TRHDE: variants seen among roughly 807,000 people sequenced by gnomAD.
The protein encoded by TRHDE is thyrotropin-releasing hormone-degrading ectoenzyme.
Under a neutral mutation model 125.7 loss-of-function variants are expected in TRHDE, and 72 were observed. The ratio of observed to expected loss-of-function variants is 0.57; its 90% confidence interval spans 0.47 to 0.70. The LOEUF is 0.70. Among genes scored for constraint, TRHDE ranks in the 30% least tolerant of loss-of-function variants. The pLI is 0.00. For missense variants in TRHDE, 1,110 were observed against 1,327.1 expected, an observed-to-expected ratio of 0.84 and a Z score of 2.54; for synonymous variants, 509 against 509.1, an observed-to-expected ratio of 1.00 and a Z score of 0.00.
chr12:72,137,172 A>G (rs138730243), intron 2 of TRHDE, among the ~76,000 whole-genome samples: 1 of 152,322 alleles, frequency 6.6e-6, no homozygotes, highest in African/African-American at 2.4e-5. Context: ...TTGGACCCCA[A>G]GCTTGTGAAA....
chr12:72,638,022 G>A (rs1000347980), intron 15 of TRHDE, among the ~76,000 whole-genome samples: 41 of 150,602 alleles, frequency 2.7e-4, no homozygotes, highest in Non-Finnish European at 4.4e-4. Context: ...TATTAGGTCC[G>A]CTTGGTGCAG....
In TRHDE at chr12:72,221,049, T is replaced by A. The variant is rs1009915916; in HGVS notation, n.279+115297T>A. 9.9e-5 allele frequency among the ~76,000 whole-genome samples: 15 copies of A among 152,120 alleles called. No individual in the cohort carries two copies. In the South Asian group the frequency reaches 3.1e-3, roughly 32 times the overall value. ...TAGAAAGGAGGCAGCAATATTATAA[T>A]TATTTGCAGAAGATATAATCATCTA... On this transcript the variant is annotated intron_variant and non_coding_transcript_variant, in intron 2 of 4. Coordinates refer to the TRHDE transcript ENST00000548156.
At chr12:72,319,469 T>C (rs546908384) in intron 2 of TRHDE, among the ~76,000 whole-genome samples, 4 of 152,340 alleles carry the variant, frequency 2.6e-5, no homozygotes, top group Non-Finnish European at 5.9e-5. Context: ...AACTCTTTTC[T>C]GCTCAATACT....
intron 2 of TRHDE, among the ~76,000 whole-genome samples, chr12:72,177,479 CA>C (rs1342744386): frequency 6.6e-6 from 1 of 151,964 alleles, no homozygotes; most frequent in Admixed American, 6.6e-5. Context: ...ACAACCCAAA[CA>C]ATCCAAACTA....
intron 2 of TRHDE, among the ~76,000 whole-genome samples, chr12:72,131,119 T>C (rs1042344335): frequency 6.8e-6 from 1 of 147,180 alleles, no homozygotes; most frequent in Non-Finnish European, 1.5e-5. Flanking sequence ...TCACCCAGGC[T>C]GGAGTGCAGT....
At chr12:72,407,820 C>T (rs1443737673) in intron 3 of TRHDE, among the ~76,000 whole-genome samples, 1 of 152,106 alleles carries the variant, frequency 6.6e-6, no homozygotes, top group African/African-American at 2.4e-5. Context: ...CTGGGAACCC[C>T]AAGGAATGAG....
intron 2 of TRHDE, among the ~76,000 whole-genome samples, chr12:72,143,314 T>C (rs1449308719): frequency 6.6e-6 from 1 of 152,086 alleles, no homozygotes; most frequent in African/African-American, 2.4e-5. Context: ...TAGGAAAGAC[T>C]TTTGGAGAAA....
chr12:72,340,953 A>G (rs1238980067), intron 2 of TRHDE, among the ~76,000 whole-genome samples: 4 of 152,078 alleles, frequency 2.6e-5, no homozygotes, highest in African/African-American at 4.8e-5. Context: ...TAGATACGGG[A>G]GTGGGCAGTG....
intron 12 of TRHDE, among the ~76,000 whole-genome samples, chr12:72,614,330 A>ATTTT (rs1555202261): frequency 2.2e-4 from 29 of 129,830 alleles, no homozygotes; most frequent in East Asian, 2.0e-3. Flanking sequence ...ATATATATAT[A>ATTTT]TTTTTTTTTT....
chr12:72,093,781 T>G (rs1381570732), intron 1 of TRHDE, among the ~76,000 whole-genome samples: 3 of 151,928 alleles, frequency 2.0e-5, no homozygotes, highest in Admixed American at 2.0e-4. Flanking sequence ...GTTGAGCTTC[T>G]TTAAGATGCT....
chr12:72,484,925 A>G (rs914924469), intron 5 of TRHDE, among the ~76,000 whole-genome samples: 8 of 152,192 alleles, frequency 5.3e-5, no homozygotes, highest in African/African-American at 1.9e-4. Context: ...GAAATCTAGT[A>G]GAGCACAGAA....
At chr12:72,421,638 C>G (rs932079349) in intron 3 of TRHDE, among the ~76,000 whole-genome samples, 1 of 152,104 alleles carries the variant, frequency 6.6e-6, no homozygotes, top group Non-Finnish European at 1.5e-5. Flanking sequence ...AAAATCATGT[C>G]GTAAAAGACC....
intron 6 of TRHDE, among the ~76,000 whole-genome samples, chr12:72,539,121 C>G (rs1869015825): frequency 6.6e-6 from 1 of 151,926 alleles, no homozygotes; most frequent in Non-Finnish European, 1.5e-5. Flanking sequence ...AGGTTCAACA[C>G]AAATAACACT....
rs80230826 is a variant in TRHDE at position 72,177,708 on chromosome 12, G to A, written n.279+71956G>A. Among the ~76,000 whole-genome samples the A allele has an allele frequency of 2.2e-3, 327 of 151,934 alleles. 1 individual carries two copies. Among genetic ancestry groups the A allele is most frequent in the East Asian group, 0.016 (85 of 5,178 alleles). Reference sequence around the variant, plus strand: ...AAAAAATAAATATTTTAAACTGCACGGCTGCCTGAAACTTCAGATAGCTAT... The same window carrying A: ...AAAAAATAAATATTTTAAACTGCACAGCTGCCTGAAACTTCAGATAGCTAT... On this transcript the variant is annotated intron_variant and non_coding_transcript_variant, in intron 2 of 4. Coordinates refer to the TRHDE transcript ENST00000548156.
intron 3 of TRHDE, among the ~76,000 whole-genome samples, chr12:72,446,142 G>A (rs1382895340): frequency 7.1e-6 from 1 of 141,424 alleles, no homozygotes; most frequent in Non-Finnish European, 1.5e-5. Context: ...GGGCCCGATT[G>A]TGCATTTCTT....
At chr12:72,653,644 G>A (rs1874595774) in intron 17 of TRHDE, among the ~76,000 whole-genome samples, 1 of 152,018 alleles carries the variant, frequency 6.6e-6, no homozygotes, top group Non-Finnish European at 1.5e-5. Flanking sequence ...TATAATTCCA[G>A]TTGCAGTAAA....
rs1174192568 is a variant in TRHDE, at chr12:72,638,999, C to T, written c.2676-13323C>T. Among the ~76,000 whole-genome samples, 474 of 150,820 alleles carry T rather than the reference C, an allele frequency of 3.1e-3. 3 individuals carry two copies. The highest frequency in any genetic ancestry group is 0.01 in the African/African-American group (429 of 41,108). On this transcript the variant is annotated intron_variant, in intron 15 of 18. Transcript: ENST00000261180. ...TTATGTGTCTTGGAGTTGCTCTTCT[C>T]GAGGAGTATCTTTGTGGCATTCTCT...
At chr12:72,379,696 T>C (rs1365836000) in intron 3 of TRHDE, among the ~76,000 whole-genome samples, 1 of 152,218 alleles carries the variant, frequency 6.6e-6, no homozygotes, top group African/African-American at 2.4e-5. Flanking sequence ...AGGAAGCATT[T>C]CTGTTCCTCT....
At chr12:72,603,680 G>C (rs1031663450) in intron 12 of TRHDE, among the ~76,000 whole-genome samples, 2 of 152,030 alleles carry the variant, frequency 1.3e-5, no homozygotes, top group Admixed American at 6.5e-5. Flanking sequence ...AGCCGAGATT[G>C]CGCCACTGCA....
Sources: gnomAD v4.1 joint callset for allele counts (sites outside exome capture counted in the v4.1 genomes callset) on GRCh38, gnomAD v4.1.1 for gene constraint, MANE v1.5 for transcripts, NCBI Gene and HGNC (gene_info 2026-07-23, HGNC 2026-07-21) for gene names.